Variants in HOXB3 observed in about 807,000 individuals in gnomAD.
HOXB3 encodes the protein homeobox B3.
Under a neutral mutation model 29.2 loss-of-function variants are expected in HOXB3, and 17 were observed. The ratio of observed to expected loss-of-function variants is 0.58; its 90% CI spans 0.40 to 0.87. The LOEUF is 0.87. Among genes scored for constraint, HOXB3 ranks in the 40% least tolerant of loss-of-function variants. The pLI, the probability that HOXB3 is intolerant of heterozygous loss-of-function variation, is 0.00. For missense variants in HOXB3, 637 were observed against 616.3 expected (o/e 1.03, Z -0.35); for synonymous variants, 317 against 285.9 (o/e 1.11, Z -1.10).
At chr17:48,555,926 C>T (rs1348206615) in intron 2 of HOXB3, among the ~76,000 whole-genome samples, 1 of 152,122 alleles carries the variant, frequency 6.6e-6, no homozygotes, top group Non-Finnish European at 1.5e-5. Context: ...GTACGCCCTA[C>T]TCTCCGTAAC....
chr17:48,569,070 C>CT (rs1029349093), intron 2 of HOXB3, among the ~76,000 whole-genome samples: 16 of 150,002 alleles, frequency 1.1e-4, no homozygotes, highest in Non-Finnish European at 2.1e-4. Context: ...TCCCCCCTCT[C>CT]TTTTTTTTTC....
chr17:48,584,350 A>C (rs1023124478), intron 1 of HOXB3, among the ~76,000 whole-genome samples: 6 of 152,176 alleles, frequency 3.9e-5, no homozygotes, highest in Non-Finnish European at 8.8e-5. Context: ...ATTTGGAGAG[A>C]GGAATGAGAG....
In HOXB3 at chr17:48,562,038, G is replaced by T. The variant is rs184871984; in HGVS notation, c.-246-6420C>A. Among the ~76,000 whole-genome samples the T allele has an allele frequency of 4.4e-3, 674 of 152,254 alleles. 6 individuals are homozygous for T. Among genetic ancestry groups the T allele is most frequent in the African/African-American group, 0.015 (613 of 41,534 alleles). On this transcript the variant is annotated intron_variant, in intron 2 of 4. Transcript: ENST00000498678. ...AGGTTTAAATGCTTACCACCACTGA[G>T]CACCAACCCGATGCCTGGCCCTCCC...
chr17:48,550,654 C>T lies in HOXB3; in HGVS notation c.976G>A (p.Ala326Thr). 6.6e-7 allele frequency: 1 copy of T among 1,524,368 alleles called. No individual in the cohort carries two copies. Among genetic ancestry groups the T allele is most frequent in the Non-Finnish European group, 8.8e-7 (1 of 1,138,902 alleles). 94.4% of individuals were successfully genotyped at this position (1,524,368 alleles called of 1,614,324 possible). The change falls in exon 5 of 5, where the codon GCG becomes ACG. Residue 326 changes from alanine to threonine, a missense_variant. Physicochemically the swap from Ala to Thr is moderately conservative, Grantham distance 58. Coordinates refer to ENST00000498678, the MANE Select transcript of HOXB3 (RefSeq NM_001384749.1). The stretch of plus-strand genomic sequence containing the variant: ...AGGACGTGCGGCTCATACTCGGGCG[C>T]CGGGGTCGGAGGGTACTTCTGCGGG... The part of the protein sequence containing the change: ...GAPQKYPPTP[A>T]PEYEPHVLQA...
intron 1 of HOXB3, chr17:48,578,178 A>G: frequency 6.2e-7 from 1 of 1,611,358 alleles, no homozygotes; most frequent in Non-Finnish European, 8.5e-7. Context: ...TCCGGCTGGA[A>G]GCTGCTCTCT....
At chr17:48,562,988 G>A (rs563037469) in intron 2 of HOXB3, among the ~76,000 whole-genome samples, 1 of 152,282 alleles carries the variant, frequency 6.6e-6, no homozygotes, top group African/African-American at 2.4e-5. Context: ...GGGAATTCGA[G>A]CAGTAATGGT....
At chr17:48,557,095 T>C (rs1289873357) in intron 2 of HOXB3, among the ~76,000 whole-genome samples, 6 of 152,038 alleles carry the variant, frequency 3.9e-5, no homozygotes, top group Non-Finnish European at 8.8e-5. Flanking sequence ...GGGTGGGGAA[T>C]AGTCATTCCG....
rs2068762247 is a variant in HOXB3, at chr17:48,551,878, A to AG, written c.448+148dup. 4 of 725,452 alleles carry AG rather than the reference A, an allele frequency of 5.5e-6. No individual in the cohort carries two copies. In the East Asian group the frequency reaches 1.0e-4, roughly 18 times the overall value. 44.9% of individuals were successfully genotyped at this position (725,452 alleles called of 1,614,324 possible). On this transcript the variant is annotated intron_variant, in intron 4 of 4. Coordinates refer to ENST00000498678, the MANE Select transcript of HOXB3 (RefSeq NM_001384749.1). ...GGTGTTGGCGGGGTCAGGGGTCATT[A>AG]GGGGGTAGGGGTATCAAAAATGTAC...
rs892820027 is a variant in HOXB3 at position 48,549,200 on chromosome 17, T to C, written c.*1134A>G. On this transcript the variant is annotated 3_prime_UTR_variant, in exon 5 of 5. Coordinates refer to ENST00000498678, the MANE Select transcript of HOXB3 (RefSeq NM_001384749.1). ...AGTACAATTTTTTCCTTTTTTTCCC[T>C]CATATAAATACATAATGTAGGGGGA... is the stretch of plus-strand genomic sequence containing the variant. The C allele has an allele frequency of 1.3e-5, 2 of 152,616 alleles. No homozygotes were observed. Among genetic ancestry groups the C allele is most frequent in the African/African-American group, 4.8e-5 (2 of 41,438 alleles). 9.5% of individuals were successfully genotyped at this position (152,616 alleles called of 1,614,324 possible).
At chr17:48,581,181 A>G (rs1054411558) in intron 1 of HOXB3, 5 of 152,206 alleles carry the variant, frequency 3.3e-5, no homozygotes, top group African/African-American at 1.2e-4. Context: ...GGGTAGGAGG[A>G]GAGTTCCCAC....
chr17:48,588,445 G>A (rs993980987), intron 1 of HOXB3, among the ~76,000 whole-genome samples: 1 of 152,250 alleles, frequency 6.6e-6, no homozygotes, highest in African/African-American at 2.4e-5. Flanking sequence ...ACTATCTGGG[G>A]TTCTAGCTTC....
At chr17:48,582,552 A>C in intron 1 of HOXB3, 1 of 152,120 alleles carries the variant, frequency 6.6e-6, no homozygotes, top group Admixed American at 6.5e-5. Flanking sequence ...CAAACATTTT[A>C]ATAATTTTTA....
At position 48,552,132 on chromosome 17, in the gene HOXB3, G is replaced by C. The variant is rs757903616; in HGVS notation, c.343C>G (p.Pro115Ala). Reference sequence around the variant, plus strand: ...GAGTTGGTGCCGGGACCGCACTTTGGGGGACCACTTTTGCTGGGCCCGCCC... The same window carrying C: ...GAGTTGGTGCCGGGACCGCACTTTGCGGGACCACTTTTGCTGGGCCCGCCC... ...NGGGPSKSGP[P>A]KCGPGTNSTL... Residue 115 changes from proline to alanine, a missense_variant, in exon 4 of 5, where the codon CCA (proline) becomes GCA (alanine). Transcript: ENST00000498678. 1 of 1,613,972 alleles carries C rather than the reference G, an allele frequency of 6.2e-7. No homozygotes were observed. The highest frequency in any genetic ancestry group is 8.5e-7 in the Non-Finnish European group (1 of 1,179,922).
Position 48,551,078 on chromosome 17 carries a change from C to A in HOXB3, c.552G>T (p.Gly184=). 2.0e-6 allele frequency: 3 copies of A among 1,517,896 alleles called. No individual in the cohort carries two copies. Among genetic ancestry groups the A allele is most frequent in the Non-Finnish European group, 1.8e-6 (2 of 1,128,140 alleles). The allele number at this position is 1,517,896 out of a possible 1,614,324, so 94.0% of individuals were successfully genotyped here. ...TCCGCGCCCGCTTGGACGCCGCCGA[C>A]CCCGGGGGGCTCTTGTCCCCTCCCC... The part of the protein sequence containing the change: ...GGGGGDKSPP[G]SAASKRARTA... The change falls in exon 5 of 5, where the codon GGG becomes GGT. Residue 184 remains glycine, a synonymous_variant. Coordinates refer to ENST00000498678, the MANE Select transcript of HOXB3 (RefSeq NM_001384749.1).
In HOXB3 at chr17:48,550,602, G is replaced by A; in HGVS notation, c.1028C>T (p.Thr343Met). The A allele has an allele frequency of 6.6e-7, 1 of 1,521,666 alleles. No individual in the cohort carries two copies. The highest frequency in any genetic ancestry group is 8.8e-7 in the Non-Finnish European group (1 of 1,140,558). 94.3% of individuals were successfully genotyped at this position (1,521,666 alleles called of 1,614,324 possible). A position where few individuals can be genotyped will look rare whatever the true frequency, so the allele number is the denominator to read the frequency against. ...CACCGGACTGCCCTGCATGGTGGGC[G>A]TCCCGTAGGCGCCCCCGTTGGCTTG... The part of the protein sequence containing the change: ...VLQANGGAYG[T>M]PTMQGSPVYV... Residue 343 changes from threonine to methionine, a missense_variant, in exon 5 of 5, where the codon ACG becomes ATG. By Grantham distance (81) the Thr-to-Met change is moderately conservative (BLOSUM62 -1). Coordinates refer to ENST00000498678, the MANE Select transcript of HOXB3 (RefSeq NM_001384749.1).
chr17:48,577,829 G>C (rs778398920), intron 1 of HOXB3: 14 of 1,385,200 alleles, frequency 1.0e-5, no homozygotes, highest in Middle Eastern at 1.9e-4. Context: ...AAAGCTCCAG[G>C]GGTGGGAGGG....
intron 2 of HOXB3, among the ~76,000 whole-genome samples, chr17:48,568,647 G>A (rs1386757227): frequency 6.6e-6 from 1 of 151,116 alleles, no homozygotes. Context: ...GCACACACAC[G>A]CGCGGACACA....
At chr17:48,561,183 A>ACACACAC (rs2069180332) in intron 2 of HOXB3, among the ~76,000 whole-genome samples, 1 of 125,382 alleles carries the variant, frequency 8.0e-6, no homozygotes, top group Admixed American at 8.2e-5. Context: ...TCCGTCTCAA[A>ACACACAC]ACACACACAC....
At chr17:48,577,343 G>C (rs2069799407) in intron 1 of HOXB3, among the ~76,000 whole-genome samples, 1 of 152,306 alleles carries the variant, frequency 6.6e-6, no homozygotes, top group Non-Finnish European at 1.5e-5. Flanking sequence ...TGAGGGGGTG[G>C]AAGAGGGAGG....
Sources: gnomAD v4.1 joint callset for allele counts (sites outside exome capture counted in the v4.1 genomes callset) on GRCh38, gnomAD v4.1.1 for gene constraint, MANE v1.5 for transcripts, NCBI Gene and HGNC (gene_info 2026-07-23, HGNC 2026-07-21) for gene names.